MROH2B: variants seen among roughly 807,000 people sequenced by gnomAD.
MROH2B encodes maestro heat-like repeat-containing protein family member 2B.
MROH2B carries 177 observed loss-of-function variants against 208.6 expected under a neutral mutation model. That is an observed-to-expected ratio of 0.85 (90% CI 0.75 to 0.96). The LOEUF (loss-of-function observed/expected upper bound fraction) is 0.96. MROH2B is among the 40% of genes least tolerant of loss of function. MROH2B has a pLI of 0.00. For missense variants in MROH2B, 2,002 were observed against 1,878.7 expected (o/e 1.07, Z -1.21); for synonymous variants, 728 against 659.0 (o/e 1.10, Z -1.60).
chr5:41,045,709 G>C (rs780461284), intron 18 of MROH2B, 37 bp downstream of exon 18: 88 of 1,521,160 alleles, frequency 5.8e-5, no homozygotes, highest in Non-Finnish European at 7.6e-5. Flanking sequence ...TGGATCATAG[G>C]TAAAAGCTAA....
intron 5 of MROH2B, 92 bp downstream of exon 5, chr5:41,064,380 T>A (rs1743733090): frequency 9.9e-7 from 1 of 1,010,304 alleles, no homozygotes; most frequent in African/African-American, 1.6e-5. Flanking sequence ...AGGACAAGAT[T>A]GGAGTTAAAG....
rs1743983559 is a variant in MROH2B at position 41,071,267 on chromosome 5, A to G, written c.-415T>C. ...AGGAATGGTTTTCAGTAGTTGCTTT[A>G]CTGTCCTGATGTTGGGAAAGGCTTT... On this transcript the variant is annotated 5_prime_UTR_variant, in exon 1 of 42. Transcript: ENST00000399564. 1 of 204,802 alleles carries G rather than the reference A, an allele frequency of 4.9e-6. No individual in the cohort carries two copies. Among genetic ancestry groups the G allele is most frequent in the Non-Finnish European group, 9.9e-6 (1 of 101,410 alleles). The allele number at this position is 204,802 out of a possible 1,614,324, so 12.7% of individuals were successfully genotyped here.
intron 6 of MROH2B, among the ~76,000 whole-genome samples, chr5:41,060,937 A>T (rs533706798): frequency 6.6e-6 from 1 of 152,234 alleles, no homozygotes; most frequent in Non-Finnish European, 1.5e-5. Context: ...TAATAAAGCA[A>T]TGAAGAGACC....
intron 28 of MROH2B, among the ~76,000 whole-genome samples, chr5:41,016,498 G>GTTTTTTTTTTTTTTTTTT: frequency 1.2e-5 from 1 of 80,778 alleles, no homozygotes; most frequent in Non-Finnish European, 2.1e-5. Context: ...CTACTGTAAT[G>GTTTTTTTTTTTTTTTTTT]TTTTTTTTTT....
chr5:41,044,823 A>C (rs996539721), intron 18 of MROH2B, among the ~76,000 whole-genome samples: 1 of 152,216 alleles, frequency 6.6e-6, no homozygotes, highest in Non-Finnish European at 1.5e-5. Flanking sequence ...CCAGGAAAAT[A>C]AACTTATGAA....
intron 9 of MROH2B, 108 bp downstream of exon 9, chr5:41,056,991 GTGTGTGTGTT>G (rs1191197342): frequency 2.0e-6 from 2 of 1,009,886 alleles, no homozygotes; most frequent in Admixed American, 2.0e-5. Flanking sequence ...TAAAGAAACA[GTGTGTGTGTT>G]TGTGTGTGTG....
intron 24 of MROH2B, among the ~76,000 whole-genome samples, chr5:41,021,272 T>C (rs1742137973): frequency 6.6e-6 from 1 of 152,142 alleles, no homozygotes; most frequent in Non-Finnish European, 1.5e-5. Flanking sequence ...CTAAACATTG[T>C]TGAAAGAAAT....
At chr5:41,060,070 T>G (rs540061234) in intron 6 of MROH2B, among the ~76,000 whole-genome samples, 20 of 152,260 alleles carry the variant, frequency 1.3e-4, no homozygotes, top group African/African-American at 4.6e-4. Context: ...AAATTGATGA[T>G]CCCAAGATCA....
chr5:41,048,359 T>G lies in MROH2B; in HGVS notation c.1649A>C (p.Lys550Thr). The G allele has an allele frequency of 3.7e-6, 6 of 1,613,612 alleles. No homozygotes were observed. Among genetic ancestry groups the G allele is most frequent in the Non-Finnish European group, 5.1e-6 (6 of 1,179,664 alleles). ...IIHPKLVDLW[K>T]TRLPELLQPL... ...CTGCAGAAGCTCAGGTAAACGTGTT[T>G]TCCATAGGTCTACCAATTTTGGGTG... Residue 550 changes from lysine (K) to threonine (T), a missense_variant, in exon 16 of 42, where the codon AAA becomes ACA. Lys to Thr is a moderately conservative substitution (Grantham distance 78, BLOSUM62 -1). Coordinates refer to ENST00000399564, the MANE Select transcript of MROH2B (RefSeq NM_173489.5).
At chr5:41,058,319 G>T in intron 6 of MROH2B, 116 bp from the exon 7 acceptor site, 2 of 1,015,568 alleles carry the variant, frequency 2.0e-6, no homozygotes, top group Non-Finnish European at 2.7e-6. Context: ...TTTCAGCCAA[G>T]AAATAATTCT....
At position 41,070,481 on chromosome 5, in the gene MROH2B, G is replaced by A. The variant is rs762778598; in HGVS notation, c.28+344C>T. ...CATTTAGGGCAATCTTTTTGGCAAAGTAGAAAGGCAGCCATACCTGGAAAT... is the reference window on the plus strand; with the variant it reads ...CATTTAGGGCAATCTTTTTGGCAAAATAGAAAGGCAGCCATACCTGGAAAT... On this transcript the variant is annotated intron_variant, in intron 1 of 41. Transcript: ENST00000399564. Among the ~76,000 whole-genome samples the A allele has an allele frequency of 2.0e-5, 3 of 152,112 alleles. No homozygotes were observed. In the East Asian group the frequency reaches 5.8e-4, roughly 29 times the overall value.
intron 37 of MROH2B, among the ~76,000 whole-genome samples, chr5:41,002,690 G>C (rs757684652): frequency 4.6e-5 from 7 of 152,176 alleles, no homozygotes; most frequent in African/African-American, 1.7e-4. Context: ...GATGAGCAAG[G>C]TCTGAGCTAA....
At chr5:40,998,856 G>A (rs1052540091) in intron 40 of MROH2B, among the ~76,000 whole-genome samples, 179 bp from the exon 41 acceptor site, 9 of 152,158 alleles carry the variant, frequency 5.9e-5, no homozygotes, top group Non-Finnish European at 8.8e-5. Context: ...ATTGGGTCCC[G>A]AGTGCCATGT....
At chr5:41,013,513 C>T (rs543119744) in intron 29 of MROH2B, among the ~76,000 whole-genome samples, 19 of 152,250 alleles carry the variant, frequency 1.2e-4, no homozygotes, top group African/African-American at 3.6e-4. Flanking sequence ...GACACTAGAG[C>T]GTTCCTATTT....
At chr5:41,004,573 G>T (rs749615484) in intron 36 of MROH2B, 45 bp from the exon 37 acceptor site, 147 of 1,574,240 alleles carry the variant, frequency 9.3e-5, no homozygotes, top group Non-Finnish European at 1.2e-4. Flanking sequence ...TGTTCTATGC[G>T]TATCTGGAAG....
chr5:41,009,402 T>C lies in MROH2B; in HGVS notation c.3298A>G (p.Thr1100Ala), dbSNP rs767305922. Residue 1100 changes from threonine (T) to alanine (A), a missense_variant, in exon 32 of 42, where the codon ACA becomes GCA. Physicochemically the swap from Thr to Ala is moderately conservative, Grantham distance 58 (BLOSUM62 0). Coordinates refer to ENST00000399564, the MANE Select transcript of MROH2B (RefSeq NM_173489.5). The part of the protein sequence containing the change: ...LQKPLPFDRD[T>A]KTLWKALAEK... ...GCCAGCGCCTTCCACAATGTCTTTG[T>C]GTCCCTAGGGTGGCAAAGCAGGAAA... The C allele has an allele frequency of 2.5e-6, 4 of 1,613,670 alleles. No homozygotes were observed. In the Admixed American group the frequency reaches 6.7e-5, roughly 27 times the overall value.
chr5:41,003,054 G>GTTCAAGCGATTATCCTGTCTCA (rs1561272324), intron 37 of MROH2B, among the ~76,000 whole-genome samples: 1 of 150,186 alleles, frequency 6.7e-6, no homozygotes, highest in Non-Finnish European at 1.5e-5. Context: ...TCTGCCTCCC[G>GTTCAAGCGATTATCCTGTCTCA]TGTTCAAGCG....
intron 21 of MROH2B, among the ~76,000 whole-genome samples, chr5:41,035,377 G>C (rs891557672): frequency 1.3e-5 from 2 of 152,074 alleles, no homozygotes; most frequent in Non-Finnish European, 2.9e-5. Context: ...GGGATAACTG[G>C]CTAGTCATAT....
At position 41,067,165 on chromosome 5, in the gene MROH2B, A is replaced by C; in HGVS notation, c.144T>G (p.Asp48Glu). The change falls in exon 3 of 42, where the codon GAT becomes GAG. Residue 48 changes from aspartate to glutamate, a missense_variant. Physicochemically the swap from Asp to Glu is conservative, Grantham distance 45. Transcript: ENST00000399564. The part of the protein sequence containing the change: ...TSVIQNTDIL[D>E]DAIVQRLIYY... ...AAATCAATCGTTGGACAATTGCATC[A>C]TCCAAGATGTCAGTATTCTGAATAA... 6.4e-7 allele frequency: 1 copy of C among 1,556,320 alleles called. No individual in the cohort carries two copies. The highest frequency in any genetic ancestry group is 8.7e-7 in the Non-Finnish European group (1 of 1,148,628).
Sources: gnomAD v4.1 joint callset for allele counts (sites outside exome capture counted in the v4.1 genomes callset) on GRCh38, gnomAD v4.1.1 for gene constraint, MANE v1.5 for transcripts, NCBI Gene and HGNC (gene_info 2026-07-23, HGNC 2026-07-21) for gene names.